The following IRAK2 variants were observed in gnomAD, a reference collection of about 807,000 sequenced individuals.
IRAK2 encodes the protein interleukin-1 receptor-associated kinase-like 2.
In IRAK2, 57 loss-of-function variants were observed where a neutral mutation model predicts 72.0. The observed-to-expected ratio is 0.79, with a 90% CI of 0.64 to 0.99. The LOEUF is 0.99. IRAK2 is among the 50% of genes least tolerant of loss of function. The pLI is 0.00. For missense variants in IRAK2, 790 were observed against 794.4 expected (o/e 0.99, Z 0.07); for synonymous variants, 293 against 312.7 (o/e 0.94, Z 0.67).
intron 11 of IRAK2, among the ~76,000 whole-genome samples, chr3:10,235,226 A>G (rs1357759599): frequency 6.6e-6 from 1 of 152,142 alleles, no homozygotes; most frequent in African/African-American, 2.4e-5. Flanking sequence ...CAGCCACTAC[A>G]CGGGGTAAGA....
chr3:10,239,595 C>T (rs1446291374), intron 12 of IRAK2, among the ~76,000 whole-genome samples: 1 of 152,204 alleles, frequency 6.6e-6, no homozygotes, highest in Admixed American at 6.5e-5. Context: ...GGCATGGTGG[C>T]GCGTGCCTGT....
chr3:10,200,338 A>G, intron 2 of IRAK2, 31 bp from the exon 3 acceptor site: 1 of 1,551,688 alleles, frequency 6.4e-7, no homozygotes, highest in Non-Finnish European at 8.8e-7. Flanking sequence ...TTCATGGAAT[A>G]GTAATAACTT....
intron 3 of IRAK2, among the ~76,000 whole-genome samples, chr3:10,203,855 T>C (rs1385963727): frequency 1.3e-5 from 2 of 151,826 alleles, no homozygotes. Flanking sequence ...ATGGTCTTGA[T>C]CTCTTGACCA....
At chr3:10,225,508 C>T (rs1441282783) in intron 9 of IRAK2, among the ~76,000 whole-genome samples, 2 of 152,126 alleles carry the variant, frequency 1.3e-5, no homozygotes, top group African/African-American at 2.4e-5. Context: ...GTGACTTACA[C>T]GTATACAGGG....
intron 1 of IRAK2, among the ~76,000 whole-genome samples, chr3:10,174,710 AG>A (rs1407438806): frequency 1.3e-5 from 2 of 151,908 alleles, no homozygotes; most frequent in African/African-American, 4.8e-5. Flanking sequence ...TTTTTAGTGG[AG>A]ATGGGAGTTC....
intron 10 of IRAK2, among the ~76,000 whole-genome samples, chr3:10,231,394 C>T (rs1325516694): frequency 2.0e-5 from 3 of 151,914 alleles, no homozygotes; most frequent in Non-Finnish European, 4.4e-5. Context: ...CAGGTTCAAG[C>T]AATTCTCCTG....
Position 10,219,799 on chromosome 3 carries a change from G to C in IRAK2, c.1013+10G>C. Reference sequence around the variant, plus strand: ...ACAGCAACGTCAAGAGGTGAGAGAGGTGGGCTGGACCCTGCTGGGGCCTGG... The same window carrying C: ...ACAGCAACGTCAAGAGGTGAGAGAGCTGGGCTGGACCCTGCTGGGGCCTGG... On this transcript the variant is annotated intron_variant, in intron 8 of 12. Transcript: ENST00000256458. 1.3e-6 allele frequency: 2 copies of C among 1,598,784 alleles called. No homozygotes were observed. The highest frequency in any genetic ancestry group is 4.5e-5 in the East Asian group (2 of 44,794).
chr3:10,209,620 CT>C lies in IRAK2; in HGVS notation c.459del (p.Leu154SerfsTer12). On this transcript the variant is annotated frameshift_variant, in exon 4 of 13. Coordinates refer to ENST00000256458, the MANE Select transcript of IRAK2 (RefSeq NM_001570.4). LOFTEE classifies it high-confidence loss of function. ...CTCCAGCCAGAGCCCACCAGCCGGC[CT>C]TTCTCCAGCCTCCTGAAGAAGATGC... ...SSPARAHQPA[F>X]LQPPEEDAPH... 6.4e-7 allele frequency: 1 copy of C among 1,569,494 alleles called. No homozygotes were observed. The highest frequency in any genetic ancestry group is 8.6e-7 in the Non-Finnish European group (1 of 1,160,034).
intron 1 of IRAK2, among the ~76,000 whole-genome samples, chr3:10,172,969 G>A (rs1055079881): frequency 3.3e-5 from 5 of 150,786 alleles, no homozygotes; most frequent in African/African-American, 7.3e-5. Flanking sequence ...GTGAGCCACC[G>A]CACCTGGCCA....
intron 4 of IRAK2, among the ~76,000 whole-genome samples, chr3:10,212,763 CTTTT>C (rs543464447): frequency 7.9e-6 from 1 of 125,980 alleles, no homozygotes. Flanking sequence ...TATCCATGTC[CTTTT>C]TTTTTTTTTT....
intron 2 of IRAK2, among the ~76,000 whole-genome samples, chr3:10,185,031 A>C (rs1313235181): frequency 6.7e-6 from 1 of 150,190 alleles, no homozygotes; most frequent in Non-Finnish European, 1.5e-5. Flanking sequence ...GCGCCGGGCC[A>C]AAACTCCATT....
intron 2 of IRAK2, among the ~76,000 whole-genome samples, chr3:10,193,445 A>AC (rs920516546): frequency 4.9e-4 from 75 of 151,718 alleles, no homozygotes; most frequent in African/African-American, 1.1e-3. Context: ...CTCTACCAAA[A>AC]AAAAACAAAA....
chr3:10,197,349 TACTCTAGCCTGGGCAACAG>T (rs1273732643), intron 2 of IRAK2, among the ~76,000 whole-genome samples: 2 of 148,836 alleles, frequency 1.3e-5, no homozygotes, highest in African/African-American at 5.0e-5. Context: ...TCCTCCACTG[TACTCTAGCCTGGGCAACAG>T]AGTAAGACTC....
chr3:10,222,886 C>A, intron 9 of IRAK2, 55 bp downstream of exon 9: 1 of 1,486,422 alleles, frequency 6.7e-7, no homozygotes, highest in Non-Finnish European at 9.4e-7. Context: ...GTCCTTCCCA[C>A]GGCTCCTTTG....
chr3:10,232,390 G>T (rs1321869310), intron 10 of IRAK2, among the ~76,000 whole-genome samples: 4 of 152,122 alleles, frequency 2.6e-5, no homozygotes, highest in Admixed American at 2.0e-4. Flanking sequence ...CTTCCTGGAG[G>T]CGCTGTGAGC....
At chr3:10,242,086 C>A (rs778763757) in intron 12 of IRAK2, 30 bp from the exon 13 acceptor site, 2 of 1,263,802 alleles carry the variant, frequency 1.6e-6, no homozygotes, top group African/African-American at 1.5e-5. Flanking sequence ...TCATTCAAGT[C>A]GCTCTTGTTT....
At chr3:10,191,606 G>A (rs893644869) in intron 2 of IRAK2, among the ~76,000 whole-genome samples, 1 of 152,030 alleles carries the variant, frequency 6.6e-6, no homozygotes, top group African/African-American at 2.4e-5. Context: ...CTTTGCACAC[G>A]TGTTCCCTCT....
intron 2 of IRAK2, among the ~76,000 whole-genome samples, chr3:10,192,522 G>C (rs987714275): frequency 3.9e-5 from 6 of 152,190 alleles, no homozygotes; most frequent in Non-Finnish European, 7.3e-5. Context: ...TGCATTCTAG[G>C]CTTCGCTTTC....
intron 2 of IRAK2, among the ~76,000 whole-genome samples, chr3:10,188,942 T>C (rs1179218110): frequency 3.3e-5 from 5 of 152,272 alleles, no homozygotes; most frequent in Non-Finnish European, 7.3e-5. Context: ...ATTATAGGCA[T>C]GAGCCACTGC....
Sources: allele counts gnomAD v4.1 joint callset (sites outside exome capture counted in the v4.1 genomes callset), GRCh38; gene constraint gnomAD v4.1.1; transcripts MANE v1.5; gene names NCBI Gene and HGNC (gene_info 2026-07-23, HGNC 2026-07-21).